Variants in LSAMP observed in about 807,000 individuals in gnomAD.
LSAMP encodes the protein limbic system-associated membrane protein.
A neutral mutation model predicts 38.6 loss-of-function variants in LSAMP; 7 were observed. The observed-to-expected ratio is 0.18, with a 90% confidence interval of 0.10 to 0.34. The LOEUF is 0.34. LSAMP is among the 10% of genes least tolerant of loss of function. LSAMP has a pLI of 1.00. For missense variants in LSAMP, 313 were observed against 420.0 expected (o/e 0.75, Z 2.23); for synonymous variants, 154 against 166.8 (o/e 0.92, Z 0.59).
At chr3:116,402,246 G>C (rs1312955633) in intron 1 of LSAMP, among the ~76,000 whole-genome samples, 6 of 152,168 alleles carry the variant, frequency 3.9e-5, no homozygotes, top group Admixed American at 3.9e-4. Context: ...ATAGACATTA[G>C]TACATCCATT....
intron 3 of LSAMP, among the ~76,000 whole-genome samples, chr3:115,929,459 A>G (rs1157210409): frequency 6.6e-6 from 1 of 152,142 alleles, no homozygotes; most frequent in African/African-American, 2.4e-5. Flanking sequence ...AAGTGGAGAA[A>G]ATAAAAAAAA....
intron 1 of LSAMP, among the ~76,000 whole-genome samples, chr3:116,166,928 C>A (rs1045114049): frequency 6.6e-6 from 1 of 151,406 alleles, no homozygotes; most frequent in Non-Finnish European, 1.5e-5. Context: ...GTAGCTAGGA[C>A]TACAGGCGCC....
rs530742675 is a variant in LSAMP at position 116,153,760 on chromosome 3, C to G, written c.156-67204G>C. On this transcript the variant is annotated intron_variant, in intron 1 of 6. Coordinates refer to ENST00000490035, the MANE Select transcript of LSAMP (RefSeq NM_002338.5). The stretch of plus-strand genomic sequence containing the variant: ...TTCACTTAAGCTTAAATTACAATAT[C>G]TACAGTACTTAGCAACTACTCATTT... Among the ~76,000 whole-genome samples, 18 of 152,086 alleles carry G rather than the reference C, an allele frequency of 1.2e-4. No individual in the cohort carries two copies. The East Asian group carries it at 3.5e-3, about 30-fold the overall frequency.
At chr3:115,928,785 C>T (rs1319113928) in intron 3 of LSAMP, among the ~76,000 whole-genome samples, 1 of 151,920 alleles carries the variant, frequency 6.6e-6, no homozygotes, top group Non-Finnish European at 1.5e-5. Flanking sequence ...ATTCTGTAAC[C>T]GTGGATCCCA....
chr3:115,958,271 GTCTA>G (rs573539146), intron 3 of LSAMP, among the ~76,000 whole-genome samples: 54 of 152,178 alleles, frequency 3.5e-4, no homozygotes, highest in African/African-American at 1.1e-3. Context: ...AAGGGAAAAT[GTCTA>G]TCTATAATTA....
chr3:116,295,994 A>T (rs1043874346), intron 1 of LSAMP, among the ~76,000 whole-genome samples: 1 of 152,200 alleles, frequency 6.6e-6, no homozygotes, highest in Non-Finnish European at 1.5e-5. Context: ...CATTCCCGCT[A>T]AGTTTAAAAG....
At chr3:116,331,702 G>T in intron 1 of LSAMP, among the ~76,000 whole-genome samples, 1 of 152,142 alleles carries the variant, frequency 6.6e-6, no homozygotes, top group East Asian at 1.9e-4. Context: ...ACACCAGATA[G>T]TAACCTGAAG....
At chr3:116,336,286 A>G (rs2047918808) in intron 1 of LSAMP, among the ~76,000 whole-genome samples, 1 of 152,092 alleles carries the variant, frequency 6.6e-6, no homozygotes, top group Non-Finnish European at 1.5e-5. Context: ...GAAATTAAAA[A>G]TAATTTTGTG....
chr3:116,229,231 C>T (rs2046373845), intron 1 of LSAMP, among the ~76,000 whole-genome samples: 1 of 152,088 alleles, frequency 6.6e-6, no homozygotes. Context: ...CTTTCTCTTA[C>T]ATCCTTTGAA....
chr3:116,277,161 A>G (rs1490302260), intron 1 of LSAMP, among the ~76,000 whole-genome samples: 1 of 152,216 alleles, frequency 6.6e-6, no homozygotes, highest in Non-Finnish European at 1.5e-5. Context: ...GCTCTGTAAA[A>G]ATAAATTAAT....
At chr3:116,340,176 G>T (rs1321151680) in intron 1 of LSAMP, among the ~76,000 whole-genome samples, 1 of 152,034 alleles carries the variant, frequency 6.6e-6, no homozygotes, top group African/African-American at 2.4e-5. Context: ...GCTCTCAGAA[G>T]ACAAGTTTTC....
intron 1 of LSAMP, among the ~76,000 whole-genome samples, chr3:116,105,510 T>A (rs1052991703): frequency 4.0e-5 from 6 of 148,638 alleles, no homozygotes; most frequent in Admixed American, 2.0e-4. Flanking sequence ...GGAAAGGTAA[T>A]GGAAAATTAC....
At chr3:116,084,060 G>A (rs1707933171) in intron 2 of LSAMP, among the ~76,000 whole-genome samples, 1 of 152,044 alleles carries the variant, frequency 6.6e-6, no homozygotes, top group African/African-American at 2.4e-5. Context: ...ACAAACATGG[G>A]TTTGAAACCC....
intron 1 of LSAMP, among the ~76,000 whole-genome samples, chr3:116,202,263 G>A (rs13069246): frequency 0.5 from 75,732 of 151,690 alleles, 21,389 homozygotes; most frequent in East Asian, 0.74. Context: ...AGCCTCCTGA[G>A]TAGTTGGGAC....
At chr3:116,273,389 T>C (rs1410072757) in intron 1 of LSAMP, among the ~76,000 whole-genome samples, 1 of 151,788 alleles carries the variant, frequency 6.6e-6, no homozygotes, top group African/African-American at 2.4e-5. Context: ...AGAATATTCA[T>C]GTAAGAAGCA....
chr3:116,294,878 CCAA>C (rs1432585252), intron 1 of LSAMP, among the ~76,000 whole-genome samples: 1 of 152,108 alleles, frequency 6.6e-6, no homozygotes, highest in Non-Finnish European at 1.5e-5. Flanking sequence ...CAATTTGTCA[CCAA>C]CTGAACTTAC....
At chr3:116,403,820 T>C (rs746627325) in intron 1 of LSAMP, among the ~76,000 whole-genome samples, 64 of 152,010 alleles carry the variant, frequency 4.2e-4, no homozygotes, top group African/African-American at 7.5e-4. Context: ...GGGGTGATCA[T>C]AGCTCCTGCA....
At chr3:116,334,063 A>G (rs1182135377) in intron 1 of LSAMP, among the ~76,000 whole-genome samples, 1 of 151,984 alleles carries the variant, frequency 6.6e-6, no homozygotes, top group Non-Finnish European at 1.5e-5. Context: ...AAGTGGGGAC[A>G]TTACTATTGA....
chr3:116,150,400 C>CCTTAGACA (rs1179961249), intron 1 of LSAMP, among the ~76,000 whole-genome samples: 1 of 152,006 alleles, frequency 6.6e-6, no homozygotes, highest in African/African-American at 2.4e-5. Context: ...ATTTAAACAT[C>CCTTAGACA]CTTAGACACT....
Sources: allele counts gnomAD v4.1 joint callset (sites outside exome capture counted in the v4.1 genomes callset), GRCh38; gene constraint gnomAD v4.1.1; transcripts MANE v1.5; gene names NCBI Gene and HGNC (gene_info 2026-07-23, HGNC 2026-07-21).